SMARCD3: variants seen among roughly 807,000 people sequenced by gnomAD.
The protein encoded by SMARCD3 is SWI/SNF-related matrix-associated actin-dependent regulator of chromatin subfamily D member 3.
A neutral mutation model predicts 58.0 loss-of-function variants in SMARCD3; 14 were observed. The ratio of observed to expected loss-of-function variants is 0.24; its 90% CI spans 0.16 to 0.38. The LOEUF (loss-of-function observed/expected upper bound fraction) is 0.38, where lower values mean the gene tolerates loss of function less well. SMARCD3 is among the 10% of genes least tolerant of loss of function. The probability of loss-of-function intolerance (pLI) is 1.00; values close to 1 mark genes in which losing one functional copy is unlikely to be tolerated. For missense variants in SMARCD3, 408 were observed against 636.9 expected (o/e 0.64, Z 3.87); for synonymous variants, 253 against 253.8 (o/e 1.00, Z 0.03).
upstream of SMARCD3, chr7:151,276,833 A>C: frequency 1.1e-5 from 1 of 89,530 alleles, no homozygotes; most frequent in Non-Finnish European, 2.2e-5. Flanking sequence ...CAGTGGGAGA[A>C]GGGAAGCCAG....
intron 2 of SMARCD3, among the ~76,000 whole-genome samples, chr7:151,253,980 T>G (rs1803617423): frequency 6.6e-6 from 1 of 152,206 alleles, no homozygotes; most frequent in African/African-American, 2.4e-5. Context: ...CTGGCACATC[T>G]GGCCAGATTC....
rs769969123 is a variant in SMARCD3 at position 151,239,352 on chromosome 7, G to A, written c.1398+44C>T. On this transcript the variant is annotated intron_variant, in intron 12 of 12. Transcript: ENST00000262188. The surrounding 1 kb of genome is among the most constrained non-coding windows in gnomAD (Gnocchi z 7.0). ...CAAGCTGAACAGGGAGGTTTCTCTT[G>A]GAGTTGAGGATGGGGAAGCCTCAGG... 1 of 1,507,988 alleles carries A rather than the reference G, an allele frequency of 6.6e-7. No individual in the cohort carries two copies. The highest frequency in any genetic ancestry group is 1.1e-5 in the South Asian group (1 of 88,964). The allele number at this position is 1,507,988 out of a possible 1,614,324, so 93.4% of individuals were successfully genotyped here. A position where few individuals can be genotyped will look rare whatever the true frequency, so the allele number is the denominator to read the frequency against.
chr7:151,249,632 TG>T (rs1423631186), upstream of SMARCD3, among the ~76,000 whole-genome samples: 3 of 99,246 alleles, frequency 3.0e-5, no homozygotes, highest in African/African-American at 1.2e-4. This position sits in a 1 kb window ranked among gnomAD's most constrained non-coding sequence, Gnocchi z 4.8. Context: ...CGAGGCAAGC[TG>T]GGCTTGGTTT....
chr7:151,269,462 CTT>C (rs1229384267), intron 2 of SMARCD3, among the ~76,000 whole-genome samples: 1 of 152,230 alleles, frequency 6.6e-6, no homozygotes, highest in African/African-American at 2.4e-5. Context: ...CAATTAAAAA[CTT>C]TATGAAAGGC....
chr7:151,240,818 C>T, intron 8 of SMARCD3: 1 of 405,434 alleles, frequency 2.5e-6, no homozygotes, highest in African/African-American at 2.0e-5. Flanking sequence ...AAGTTAACAC[C>T]TCAGGGCTCA....
Position 151,259,773 on chromosome 7 carries a change from C to G in SMARCD3, c.40-14102G>C, listed in dbSNP as rs540353010. On this transcript the variant is annotated intron_variant, in intron 2 of 13. Coordinates refer to the SMARCD3 transcript ENST00000356800. Reference sequence around the variant, plus strand: ...TACAGGCATGCACCACCATGCCCAGCTAATTTTTGTGTTTTTAGTAGAGAC... The same window carrying G: ...TACAGGCATGCACCACCATGCCCAGGTAATTTTTGTGTTTTTAGTAGAGAC... Among the ~76,000 whole-genome samples the G allele has an allele frequency of 1.1e-4, 16 of 151,984 alleles. No individual in the cohort carries two copies. The East Asian group carries it at 2.9e-3, about 28-fold the overall frequency.
Position 151,242,855 on chromosome 7 carries a change from G to A in SMARCD3, c.334-12C>T, listed in dbSNP as rs1171817536. 6.8e-6 allele frequency: 11 copies of A among 1,613,924 alleles called. No individual in the cohort carries two copies. Among genetic ancestry groups the A allele is most frequent in the Non-Finnish European group, 8.5e-6 (10 of 1,179,952 alleles). ...ACCAGCTCCCGAATCTGGAGAAGGAGGAGCAGGGCAGGAGTCAGAGGCTCA... is the reference window on the plus strand; with the variant it reads ...ACCAGCTCCCGAATCTGGAGAAGGAAGAGCAGGGCAGGAGTCAGAGGCTCA... On this transcript the variant is annotated splice_polypyrimidine_tract_variant and intron_variant, in intron 3 of 12. Coordinates refer to ENST00000262188, the MANE Select transcript of SMARCD3 (RefSeq NM_001003801.2). This position sits in a 1 kb window ranked among gnomAD's most constrained non-coding sequence, Gnocchi z 4.7.
At chr7:151,258,432 G>GCA (rs1803776782) in intron 2 of SMARCD3, among the ~76,000 whole-genome samples, 3 of 151,896 alleles carry the variant, frequency 2.0e-5, no homozygotes, top group Admixed American at 1.3e-4. Flanking sequence ...GGGTGTGGTG[G>GCA]CATGCAACTG....
At chr7:151,248,823 C>A (rs1456064581), upstream of SMARCD3, 12 of 378,892 alleles carry the variant, frequency 3.2e-5, no homozygotes, top group Non-Finnish European at 4.5e-5. This position sits in a 1 kb window ranked among gnomAD's most constrained non-coding sequence, Gnocchi z 6.1. Flanking sequence ...TCCGGCGGCC[C>A]GGGGTCTGCC....
At chr7:151,252,587 C>T (rs766327532), upstream of SMARCD3, among the ~76,000 whole-genome samples, 2 of 152,158 alleles carry the variant, frequency 1.3e-5, no homozygotes, top group Non-Finnish European at 2.9e-5. Flanking sequence ...CCCCACTTTC[C>T]GCCATCCAGC....
In SMARCD3 at chr7:151,239,987, T is replaced by TG; in HGVS notation, c.1173+124_1173+125insC. 1 of 1,014,100 alleles carries TG rather than the reference T, an allele frequency of 9.9e-7. No individual in the cohort carries two copies. The highest frequency in any genetic ancestry group is 2.6e-5 in the East Asian group (1 of 38,382). 62.8% of individuals were successfully genotyped at this position (1,014,100 alleles called of 1,614,324 possible). On this transcript the variant is annotated intron_variant, in intron 10 of 12. Transcript: ENST00000262188. The surrounding 1 kb of genome is among the most constrained non-coding windows in gnomAD (Gnocchi z 7.0). Reference sequence around the variant, plus strand: ...TGTCCCATTGGCCCAGAGTCTGGTCTCTTTTTTTTTTTTTTTTTTAATTTA... The same window carrying TG: ...TGTCCCATTGGCCCAGAGTCTGGTCTGCTTTTTTTTTTTTTTTTTTAATTTA...
In SMARCD3 at chr7:151,242,097, G is replaced by A; in HGVS notation, c.675+40C>T. 1 of 1,556,402 alleles carries A rather than the reference G, an allele frequency of 6.4e-7. No homozygotes were observed. Among genetic ancestry groups the A allele is most frequent in the East Asian group, 2.2e-5 (1 of 44,590 alleles). On this transcript the variant is annotated intron_variant, in intron 6 of 12. Transcript: ENST00000262188. The surrounding 1 kb of genome is among the most constrained non-coding windows in gnomAD (Gnocchi z 4.7). ...GTTCTTCAGGGATTCTGGCCTGTGGGAGGGTGGCAATTCAAGGGCGGAGGG... is the reference window on the plus strand; with the variant it reads ...GTTCTTCAGGGATTCTGGCCTGTGGAAGGGTGGCAATTCAAGGGCGGAGGG...
intron 8 of SMARCD3, 99 bp from the exon 9 acceptor site, chr7:151,240,621 G>A (rs1007918313): frequency 3.8e-5 from 34 of 884,158 alleles, no homozygotes; most frequent in Non-Finnish European, 5.3e-5. Context: ...AAGAAGCTGA[G>A]AGGAAGTCTG....
At chr7:151,275,312 C>G in intron 1 of SMARCD3, 2 of 669,192 alleles carry the variant, frequency 3.0e-6, no homozygotes, top group East Asian at 2.8e-5. Context: ...CGGGAAGCTG[C>G]GAAGAAGCCA....
chr7:151,275,784 C>T (rs1795321015), intron 1 of SMARCD3, among the ~76,000 whole-genome samples: 2 of 152,212 alleles, frequency 1.3e-5, no homozygotes, highest in South Asian at 2.1e-4. Context: ...TGCTTCCTTC[C>T]TTGCTGGAAG....
At chr7:151,254,377 A>G (rs760147466) in intron 2 of SMARCD3, 3 of 152,344 alleles carry the variant, frequency 2.0e-5, no homozygotes, top group Non-Finnish European at 4.4e-5. Context: ...CTTCTGGTCG[A>G]CTTGGGATCT....
chr7:151,260,818 C>G (rs78711703), intron 2 of SMARCD3, among the ~76,000 whole-genome samples: 1 of 152,022 alleles, frequency 6.6e-6, no homozygotes, highest in South Asian at 2.1e-4. Context: ...CAGCAACAGG[C>G]TCTGTCTAGG....
chr7:151,256,211 T>C (rs1323901029), intron 2 of SMARCD3, among the ~76,000 whole-genome samples: 1 of 135,304 alleles, frequency 7.4e-6, no homozygotes, highest in Non-Finnish European at 1.6e-5. Context: ...AAACAGAGTG[T>C]CGCCCTGTTG....
Position 151,239,076 on chromosome 7 carries a change from T to C in SMARCD3, c.*27A>G, listed in dbSNP as rs1563640002. 1 of 1,612,988 alleles carries C rather than the reference T, an allele frequency of 6.2e-7. No homozygotes were observed. The highest frequency in any genetic ancestry group is 1.1e-5 in the South Asian group (1 of 91,070). On this transcript the variant is annotated 3_prime_UTR_variant, in exon 13 of 13. Transcript: ENST00000262188. The surrounding 1 kb of genome is among the most constrained non-coding windows in gnomAD (Gnocchi z 7.0). ...TGGGGCCCGGGACACGGCTGAAAGTTCCGTCGTGCTGCTTATTTTTGGGCT... is the reference window on the plus strand; with the variant it reads ...TGGGGCCCGGGACACGGCTGAAAGTCCCGTCGTGCTGCTTATTTTTGGGCT...
Sources: gnomAD v4.1 joint callset for allele counts (sites outside exome capture counted in the v4.1 genomes callset) on GRCh38, gnomAD v4.1.1 for gene constraint, Gnocchi (gnomAD v3.1) non-coding constraint, MANE v1.5 for transcripts, NCBI Gene and HGNC (gene_info 2026-07-23, HGNC 2026-07-21) for gene names.